CSMD3: variants seen among roughly 807,000 people sequenced by gnomAD.
The protein encoded by CSMD3 is CUB and Sushi multiple domains 3, also known as CUB and sushi domain-containing protein 3.
In CSMD3, 177 loss-of-function variants were observed where a neutral mutation model predicts 435.2. That is an observed-to-expected ratio of 0.41 (90% CI 0.36 to 0.46). CSMD3 has a LOEUF of 0.46. Among genes scored for constraint, CSMD3 ranks in the 20% least tolerant of loss-of-function variants. CSMD3 has a pLI of 0.34. For synonymous variants in CSMD3, 1,656 were observed against 1,520.5 expected, an observed-to-expected ratio of 1.09 and a Z score of -2.07; for missense variants, 4,265 against 4,504.6, an observed-to-expected ratio of 0.95 and a Z score of 1.52.
Position 112,628,626 on chromosome 8 carries a change from T to C in CSMD3, c.3715+8191A>G, listed in dbSNP as rs182174013. On this transcript the variant is annotated intron_variant, in intron 22 of 70. Coordinates refer to ENST00000297405, the MANE Select transcript of CSMD3 (RefSeq NM_198123.2). ...AGTTGAAAATGTGGAAGTAAAGGAGTTTTGTCGATATTATATATTCATTTC... is the reference window on the plus strand; with the variant it reads ...AGTTGAAAATGTGGAAGTAAAGGAGCTTTGTCGATATTATATATTCATTTC... Among the ~76,000 whole-genome samples the C allele has an allele frequency of 1.7e-3, 252 of 152,144 alleles. 3 individuals are homozygous for C. The highest frequency in any genetic ancestry group is 5.8e-3 in the African/African-American group (241 of 41,498).
intron 13 of CSMD3, among the ~76,000 whole-genome samples, chr8:112,718,289 A>G (rs913790851): frequency 6.6e-6 from 1 of 151,946 alleles, no homozygotes; most frequent in African/African-American, 2.4e-5. Flanking sequence ...TATGAAGGAT[A>G]CTCTATAATA....
At position 113,222,898 on chromosome 8, in the gene CSMD3, C is replaced by A. The variant is rs185261545; in HGVS notation, c.515-48982G>T. Among the ~76,000 whole-genome samples, 117 of 150,754 alleles carry A rather than the reference C, an allele frequency of 7.8e-4. No homozygotes were observed. In the East Asian group the frequency reaches 8.4e-3, roughly 11 times the overall value. ...TCTGAATTTTCACATGATATTTCGG[C>A]TTATTTTGTTTTTTGCAAGTTTGTG... On this transcript the variant is annotated intron_variant, in intron 3 of 70. Coordinates refer to ENST00000297405, the MANE Select transcript of CSMD3 (RefSeq NM_198123.2).
At chr8:112,686,037 A>G (rs1369183275) in intron 14 of CSMD3, among the ~76,000 whole-genome samples, 2 of 152,214 alleles carry the variant, frequency 1.3e-5, no homozygotes, top group African/African-American at 4.8e-5. Context: ...GTGTTTAAAA[A>G]GTGAAAAAAT....
chr8:113,386,382 TA>T (rs1405162165), intron 1 of CSMD3, among the ~76,000 whole-genome samples: 3 of 151,948 alleles, frequency 2.0e-5, no homozygotes, highest in South Asian at 2.1e-4. Context: ...AAGACGAAAA[TA>T]TATGTCACTA....
At chr8:113,172,589 A>G (rs1201603352) in intron 4 of CSMD3, among the ~76,000 whole-genome samples, 2 of 152,278 alleles carry the variant, frequency 1.3e-5, no homozygotes, top group Non-Finnish European at 2.9e-5. Context: ...TTTTGTTTTC[A>G]TTAGTTAAAT....
chr8:112,288,654 A>C (rs1819459539), intron 57 of CSMD3, among the ~76,000 whole-genome samples: 1 of 152,090 alleles, frequency 6.6e-6, no homozygotes, highest in Admixed American at 6.6e-5. Context: ...GGGTAAAAAT[A>C]AATAGTATCA....
chr8:113,436,104 T>C (rs1478733966), intron 1 of CSMD3, among the ~76,000 whole-genome samples: 4 of 152,176 alleles, frequency 2.6e-5, no homozygotes, highest in Admixed American at 6.5e-5. Context: ...CCACAGGTCC[T>C]AGGGAAGCTC....
At chr8:112,344,760 T>G (rs1178372824) in intron 41 of CSMD3, among the ~76,000 whole-genome samples, 1 of 152,186 alleles carries the variant, frequency 6.6e-6, no homozygotes, top group Non-Finnish European at 1.5e-5. Flanking sequence ...TTATTAAATA[T>G]GATATATTAT....
At chr8:112,345,103 T>C (rs1825538397) in intron 41 of CSMD3, among the ~76,000 whole-genome samples, 1 of 152,104 alleles carries the variant, frequency 6.6e-6, no homozygotes, top group Non-Finnish European at 1.5e-5. Flanking sequence ...TACATCTCTA[T>C]ATATAATTAT....
At chr8:113,431,473 C>T (rs753344619) in intron 1 of CSMD3, among the ~76,000 whole-genome samples, 3 of 152,140 alleles carry the variant, frequency 2.0e-5, no homozygotes, top group Non-Finnish European at 4.4e-5. Context: ...CGTATTTTCT[C>T]AAAAGGTCAT....
At chr8:112,551,006 C>G in intron 26 of CSMD3, 133 bp from the exon 27 acceptor site, 1 of 683,508 alleles carries the variant, frequency 1.5e-6, no homozygotes, top group South Asian at 1.6e-5. Flanking sequence ...ATTACATAAA[C>G]AGCATATATT....
intron 27 of CSMD3, among the ~76,000 whole-genome samples, chr8:112,531,674 C>G (rs529510467): frequency 5.3e-5 from 8 of 152,248 alleles, no homozygotes; most frequent in African/African-American, 1.7e-4. Context: ...ACTAAAACAG[C>G]TGCAGTGACT....
intron 59 of CSMD3, among the ~76,000 whole-genome samples, chr8:112,274,663 C>T (rs1323785629): frequency 6.6e-6 from 1 of 151,896 alleles, no homozygotes; most frequent in Non-Finnish European, 1.5e-5. Flanking sequence ...AATTCTATAC[C>T]CAGCAAAAAT....
At chr8:112,475,528 T>C (rs1818956540) in intron 31 of CSMD3, among the ~76,000 whole-genome samples, 1 of 152,162 alleles carries the variant, frequency 6.6e-6, no homozygotes, top group African/African-American at 2.4e-5. Context: ...GTGATAATTA[T>C]GCAGTGTGTT....
chr8:113,251,131 A>G (rs1563606342), intron 3 of CSMD3, among the ~76,000 whole-genome samples: 2 of 152,162 alleles, frequency 1.3e-5, no homozygotes, highest in Non-Finnish European at 2.9e-5. Context: ...TGAATTAGAC[A>G]TGCCTCCCAT....
At chr8:112,700,110 T>C (rs371184450) in intron 13 of CSMD3, among the ~76,000 whole-genome samples, 27 of 152,300 alleles carry the variant, frequency 1.8e-4, no homozygotes, top group African/African-American at 6.5e-4. Flanking sequence ...TCAAACTGAA[T>C]ATTTGGGAAT....
At chr8:112,742,204 A>G (rs370423621) in intron 13 of CSMD3, among the ~76,000 whole-genome samples, 2 of 152,126 alleles carry the variant, frequency 1.3e-5, no homozygotes, top group East Asian at 1.9e-4. Flanking sequence ...AGTAATTTTT[A>G]TTAATTATAA....
At chr8:112,537,164 TATA>T (rs996760852) in intron 27 of CSMD3, among the ~76,000 whole-genome samples, 1 of 151,308 alleles carries the variant, frequency 6.6e-6, no homozygotes, top group African/African-American at 2.4e-5. Flanking sequence ...AAACTTAAAG[TATA>T]ATAATAATAA....
intron 27 of CSMD3, among the ~76,000 whole-genome samples, chr8:112,547,092 A>AG: frequency 6.6e-6 from 1 of 152,150 alleles, no homozygotes; most frequent in South Asian, 2.1e-4. Flanking sequence ...TAATCGGGGA[A>AG]GGGGGGCTCA....
Sources: allele counts gnomAD v4.1 joint callset (sites outside exome capture counted in the v4.1 genomes callset), GRCh38; gene constraint gnomAD v4.1.1; transcripts MANE v1.5; gene names NCBI Gene and HGNC (gene_info 2026-07-23, HGNC 2026-07-21).